Variants in CNTN3 observed in about 807,000 individuals in gnomAD.
CNTN3 encodes the protein contactin 3.
Under a neutral mutation model 119.1 loss-of-function variants are expected in CNTN3, and 60 were observed. The ratio of observed to expected loss-of-function variants is 0.50; its 90% confidence interval spans 0.41 to 0.62. The LOEUF (loss-of-function observed/expected upper bound fraction) is 0.62, where lower values mean the gene tolerates loss of function less well. Among genes scored for constraint, CNTN3 ranks in the 20% least tolerant of loss-of-function variants. The pLI is 0.00. For synonymous variants in CNTN3, 450 were observed against 438.7 expected (o/e 1.03, Z -0.32); for missense variants, 1,101 against 1,242.4 (o/e 0.89, Z 1.71).
At chr3:74,277,775 G>T (rs967551040) in intron 20 of CNTN3, among the ~76,000 whole-genome samples, 5 of 151,980 alleles carry the variant, frequency 3.3e-5, no homozygotes, top group Non-Finnish European at 5.9e-5. Context: ...AGAGCAATCA[G>T]ACAAGAAAAA....
chr3:74,281,499 TA>T (rs1255740048), intron 20 of CNTN3, among the ~76,000 whole-genome samples: 1 of 151,936 alleles, frequency 6.6e-6, no homozygotes, highest in East Asian at 1.9e-4. Flanking sequence ...CACACCTGGT[TA>T]ATTCTCTTAT....
intron 4 of CNTN3, among the ~76,000 whole-genome samples, chr3:74,437,458 T>C (rs1341061328): frequency 1.3e-5 from 2 of 151,932 alleles, no homozygotes; most frequent in Non-Finnish European, 2.9e-5. Context: ...CGAGACTCTG[T>C]CTCAAAAAAA....
chr3:74,301,570 T>C, intron 15 of CNTN3, 23 bp from the exon 16 acceptor site: 1 of 1,612,956 alleles, frequency 6.2e-7, no homozygotes, highest in Non-Finnish European at 8.5e-7. Flanking sequence ...ATTTCAGAGG[T>C]AAGAGTCTGC....
In CNTN3 at chr3:74,486,006, T is replaced by A. The variant is rs576579243; in HGVS notation, c.358+450A>T. 4.6e-5 allele frequency among the ~76,000 whole-genome samples: 7 copies of A among 152,256 alleles called. No homozygotes were observed. The South Asian group carries it at 1.4e-3, about 32-fold the overall frequency. Reference sequence around the variant, plus strand: ...TGGTAACTTCTTCTTGTTCTGACAGTCTTTCTTCCTTAATATTTTCAGGTT... The same window carrying A: ...TGGTAACTTCTTCTTGTTCTGACAGACTTTCTTCCTTAATATTTTCAGGTT... On this transcript the variant is annotated intron_variant, in intron 4 of 22. Coordinates refer to ENST00000263665, the MANE Select transcript of CNTN3 (RefSeq NM_020872.3).
At chr3:74,590,686 C>A (rs971951525) in intron 1 of CNTN3, among the ~76,000 whole-genome samples, 9 of 151,998 alleles carry the variant, frequency 5.9e-5, no homozygotes, top group Non-Finnish European at 1.2e-4. Flanking sequence ...AGAGAAAAAC[C>A]TACTCATTGT....
intron 13 of CNTN3, among the ~76,000 whole-genome samples, chr3:74,323,379 G>A (rs1319608687): frequency 1.3e-5 from 2 of 152,152 alleles, no homozygotes; most frequent in African/African-American, 4.8e-5. Flanking sequence ...TATATGAAAT[G>A]TCCAGAATAT....
intron 4 of CNTN3, among the ~76,000 whole-genome samples, chr3:74,471,216 G>T (rs1195130561): frequency 6.6e-6 from 1 of 152,024 alleles, no homozygotes; most frequent in Non-Finnish European, 1.5e-5. Context: ...CTGGGGGAGA[G>T]ATAACATTAG....
chr3:74,499,869 G>C, intron 2 of CNTN3, 84 bp from the exon 3 acceptor site: 1 of 1,382,738 alleles, frequency 7.2e-7, no homozygotes, highest in South Asian at 1.5e-5. Context: ...AGAAAACAAG[G>C]AACTAAAAAT....
chr3:74,314,194 T>G (rs1469721163), intron 13 of CNTN3, among the ~76,000 whole-genome samples: 1 of 151,964 alleles, frequency 6.6e-6, no homozygotes, highest in Admixed American at 6.6e-5. Flanking sequence ...AGCAATCATA[T>G]AAAATTCTCA....
At chr3:74,276,987 C>A (rs539852336) in intron 20 of CNTN3, among the ~76,000 whole-genome samples, 2 of 152,112 alleles carry the variant, frequency 1.3e-5, no homozygotes, top group Admixed American at 1.3e-4. Flanking sequence ...AAAGATCATT[C>A]AAGACAACTA....
chr3:74,488,031 TTA>T (rs1399303677), intron 3 of CNTN3, among the ~76,000 whole-genome samples: 1 of 149,242 alleles, frequency 6.7e-6, no homozygotes, highest in African/African-American at 2.4e-5. Context: ...TACTGTATAA[TTA>T]TATAGTGTAA....
intron 5 of CNTN3, among the ~76,000 whole-genome samples, chr3:74,405,251 T>C (rs1388158537): frequency 3.3e-5 from 5 of 152,076 alleles, no homozygotes; most frequent in Admixed American, 1.3e-4. Flanking sequence ...TCCACACTCA[T>C]CGATAATCTA....
chr3:74,399,346 G>T (rs541399707), intron 5 of CNTN3, among the ~76,000 whole-genome samples: 2 of 151,914 alleles, frequency 1.3e-5, no homozygotes, highest in Non-Finnish European at 2.9e-5. Flanking sequence ...CCATCCATGT[G>T]ATCATTTGTT....
chr3:74,465,389 A>G (rs966719372), intron 4 of CNTN3, among the ~76,000 whole-genome samples: 2 of 152,170 alleles, frequency 1.3e-5, no homozygotes, highest in African/African-American at 4.8e-5. Context: ...GGATTGGTAC[A>G]TGATTTAAAA....
chr3:74,612,262 T>C (rs1705095324), intron 1 of CNTN3, among the ~76,000 whole-genome samples: 2 of 152,178 alleles, frequency 1.3e-5, no homozygotes, highest in Non-Finnish European at 2.9e-5. Context: ...TAACTGGGCA[T>C]ATATGAAATG....
chr3:74,587,738 A>T (rs1022202705), intron 1 of CNTN3, among the ~76,000 whole-genome samples: 14 of 152,198 alleles, frequency 9.2e-5, no homozygotes, highest in Non-Finnish European at 1.5e-4. Context: ...TGTCATCTGC[A>T]AACAGGGACA....
intron 3 of CNTN3, among the ~76,000 whole-genome samples, chr3:74,498,852 TG>T (rs1249525797): frequency 2.0e-5 from 3 of 151,808 alleles, no homozygotes; most frequent in African/African-American, 7.2e-5. Context: ...AAAGGTGTCT[TG>T]AATACTTTCT....
At chr3:74,393,624 G>A (rs1020713698) in intron 5 of CNTN3, among the ~76,000 whole-genome samples, 1 of 152,280 alleles carries the variant, frequency 6.6e-6, no homozygotes, top group East Asian at 1.9e-4. Context: ...AATGCCCTCA[G>A]GCAGGACTGA....
chr3:74,391,581 T>G (rs1704903660), intron 5 of CNTN3, among the ~76,000 whole-genome samples: 1 of 73,422 alleles, frequency 1.4e-5, no homozygotes, highest in Non-Finnish European at 2.8e-5. Context: ...TTTTTTTTTT[T>G]GAGACAGAGG....
Sources: gnomAD v4.1 joint callset for allele counts (sites outside exome capture counted in the v4.1 genomes callset) on GRCh38, gnomAD v4.1.1 for gene constraint, MANE v1.5 for transcripts, NCBI Gene and HGNC (gene_info 2026-07-23, HGNC 2026-07-21) for gene names.